ZNF827: variants seen among roughly 807,000 people sequenced by gnomAD.
ZNF827 encodes the protein zinc finger protein 827.
Under a neutral mutation model 102.4 loss-of-function variants are expected in ZNF827, and 13 were observed. The ratio of observed to expected loss-of-function variants is 0.13; its 90% CI spans 0.08 to 0.20. The LOEUF (loss-of-function observed/expected upper bound fraction) is 0.20. ZNF827 is among the 10% of genes least tolerant of loss of function. ZNF827 has a pLI of 1.00. For synonymous variants in ZNF827, 523 were observed against 536.2 expected, an observed-to-expected ratio of 0.98 and a Z score of 0.34; for missense variants, 1,103 against 1,344.4, an observed-to-expected ratio of 0.82 and a Z score of 2.81.
At chr4:145,907,185 G>A (rs1222163307) in intron 1 of ZNF827, 3 of 456,424 alleles carry the variant, frequency 6.6e-6, no homozygotes, top group Non-Finnish European at 1.3e-5. Flanking sequence ...AAAACAGCAA[G>A]GATTTTCTCC....
chr4:145,796,664 T>G (rs1740420567), intron 8 of ZNF827, among the ~76,000 whole-genome samples: 1 of 147,634 alleles, frequency 6.8e-6, no homozygotes, highest in African/African-American at 2.5e-5. Context: ...GGTTTTGCTC[T>G]TGTTGCCCAG....
chr4:145,934,010 T>C (rs1484885712), intron 1 of ZNF827, among the ~76,000 whole-genome samples: 1 of 152,176 alleles, frequency 6.6e-6, no homozygotes, highest in Non-Finnish European at 1.5e-5. Context: ...GCAGGTGATA[T>C]AGCTCAAAGG....
chr4:145,914,048 T>C (rs1044264176), intron 1 of ZNF827, among the ~76,000 whole-genome samples: 1 of 137,538 alleles, frequency 7.3e-6, no homozygotes, highest in African/African-American at 3.2e-5. Flanking sequence ...CATAAAATGA[T>C]ACATTTCTTT....
chr4:145,773,627 A>C (rs987923498), intron 11 of ZNF827, among the ~76,000 whole-genome samples: 10 of 152,224 alleles, frequency 6.6e-5, no homozygotes, highest in South Asian at 2.1e-4. Flanking sequence ...CACTTGTGAG[A>C]GTATAATTGC....
intron 5 of ZNF827, among the ~76,000 whole-genome samples, chr4:145,866,011 G>A (rs1362371984): frequency 6.6e-6 from 1 of 152,274 alleles, no homozygotes; most frequent in Non-Finnish European, 1.5e-5. Flanking sequence ...ATGTGGACTG[G>A]GTAACAGAAG....
chr4:145,839,187 T>C (rs1036795427), intron 7 of ZNF827: 3 of 152,212 alleles, frequency 2.0e-5, no homozygotes, highest in African/African-American at 7.2e-5. Flanking sequence ...AACCTAACAC[T>C]GAGTTTTCAA....
At chr4:145,858,821 G>T (rs1449752347) in intron 5 of ZNF827, among the ~76,000 whole-genome samples, 1 of 152,078 alleles carries the variant, frequency 6.6e-6, no homozygotes, top group Non-Finnish European at 1.5e-5. Flanking sequence ...AGGAGCAAAA[G>T]AAGTTTTATT....
rs7439722 is a variant in ZNF827, at chr4:145,911,225, G to A, written c.44-8010C>T. Among the ~76,000 whole-genome samples, 5 of 152,114 alleles carry A rather than the reference G, an allele frequency of 3.3e-5. 1 individual carries two copies. Among genetic ancestry groups the A allele is most frequent in the Admixed American group, 2.6e-4 (4 of 15,278 alleles). On this transcript the variant is annotated intron_variant, in intron 1 of 14. Transcript: ENST00000508784. ...TGCAGGGGAACTTGGTATTAAAGTC[G>A]CCGCCCCCTCTAAGAAGCCCCAACT...
chr4:145,934,428 T>C (rs1232959271), intron 1 of ZNF827, among the ~76,000 whole-genome samples: 1 of 152,104 alleles, frequency 6.6e-6, no homozygotes, highest in Non-Finnish European at 1.5e-5. Flanking sequence ...ACCTAAGGCT[T>C]AGGTTAGTAG....
intron 1 of ZNF827, among the ~76,000 whole-genome samples, chr4:145,927,733 T>C (rs1218202009): frequency 6.6e-6 from 1 of 152,216 alleles, no homozygotes; most frequent in Non-Finnish European, 1.5e-5. Context: ...GTGCTGACAC[T>C]GGTGACTACA....
In ZNF827 at chr4:145,885,759, A is replaced by G. The variant is rs763635331; in HGVS notation, c.1666T>C (p.Tyr556His). The change falls in exon 4 of 15, where the codon TAT (tyrosine) becomes CAT (histidine). Residue 556 changes from tyrosine (Y) to histidine (H), a missense_variant. This residue lies in a region of ZNF827 where 157 missense variants were observed against 211.7 expected (regional missense o/e 0.74). Coordinates refer to ENST00000508784, the MANE Select transcript of ZNF827 (RefSeq NM_001306215.2). ...AATGCTGACGCACTGTTGGCCACAT[A>G]CTCGGAGGGGTCTTTCAGCTTTGTG... ...NHTKLKDPSEYVANSASALFS... is the reference protein window; with the variant it reads ...NHTKLKDPSEHVANSASALFS... 6.2e-7 allele frequency: 1 copy of G among 1,603,534 alleles called. No homozygotes were observed. The highest frequency in any genetic ancestry group is 8.5e-7 in the Non-Finnish European group (1 of 1,174,688).
chr4:145,809,162 C>T (rs1741778843), intron 8 of ZNF827, among the ~76,000 whole-genome samples: 1 of 152,182 alleles, frequency 6.6e-6, no homozygotes, highest in East Asian at 1.9e-4. Flanking sequence ...CAGGAATATC[C>T]TCATGATAGA....
intron 1 of ZNF827, among the ~76,000 whole-genome samples, chr4:145,908,006 T>A (rs185795219): frequency 9.2e-5 from 14 of 152,346 alleles, no homozygotes; most frequent in Non-Finnish European, 4.4e-5. Context: ...AGCAACTCAG[T>A]AACTTGATAT....
intron 6 of ZNF827, among the ~76,000 whole-genome samples, chr4:145,848,387 T>C (rs1009083738): frequency 6.6e-6 from 1 of 152,230 alleles, no homozygotes; most frequent in African/African-American, 2.4e-5. Flanking sequence ...TGAACTATTA[T>C]GGCGACAGAC....
chr4:145,885,323 T>C (rs900093083), intron 4 of ZNF827, among the ~76,000 whole-genome samples: 1 of 152,006 alleles, frequency 6.6e-6, no homozygotes, highest in Non-Finnish European at 1.5e-5. Flanking sequence ...AGAAGAGACA[T>C]GTTAAACAGG....
At chr4:145,767,689 G>C (rs1469347102) in intron 11 of ZNF827, among the ~76,000 whole-genome samples, 3 of 152,214 alleles carry the variant, frequency 2.0e-5, no homozygotes, top group Non-Finnish European at 2.9e-5. Context: ...CACTATGCAA[G>C]TAAGAAGACT....
intron 7 of ZNF827, among the ~76,000 whole-genome samples, chr4:145,836,163 C>T (rs1183561293): frequency 1.3e-5 from 2 of 151,968 alleles, no homozygotes; most frequent in African/African-American, 4.8e-5. Context: ...ATTTCTTCCT[C>T]ATCTGTTACC....
intron 5 of ZNF827, among the ~76,000 whole-genome samples, chr4:145,859,210 T>C (rs1747471625): frequency 6.6e-6 from 1 of 152,122 alleles, no homozygotes; most frequent in African/African-American, 2.4e-5. Context: ...GAAGGGAACG[T>C]AGGCTCCATG....
chr4:145,764,957 C>T (rs1415386757), intron 13 of ZNF827, 31 bp downstream of exon 13: 1 of 1,608,630 alleles, frequency 6.2e-7, no homozygotes, highest in East Asian at 2.2e-5. Flanking sequence ...AATAACAACG[C>T]AGTAAAAGGT....
Sources: gnomAD v4.1 joint callset for allele counts (sites outside exome capture counted in the v4.1 genomes callset) on GRCh38, gnomAD v4.1.1 for gene constraint, gnomAD v4.1.1 regional missense constraint, MANE v1.5 for transcripts, NCBI Gene and HGNC (gene_info 2026-07-23, HGNC 2026-07-21) for gene names.